ATG3: variants seen among roughly 807,000 people sequenced by gnomAD.
The protein encoded by ATG3 is ubiquitin-like-conjugating enzyme ATG3.
Under a neutral mutation model 50.7 loss-of-function variants are expected in ATG3, and 25 were observed. That is an observed-to-expected ratio of 0.49 (90% confidence interval 0.36 to 0.69). ATG3 has a LOEUF of 0.69. Among genes scored for constraint, ATG3 ranks in the 30% least tolerant of loss-of-function variants. The probability of loss-of-function intolerance (pLI) is 0.00; values close to 1 mark genes in which losing one functional copy is unlikely to be tolerated. For synonymous variants in ATG3, 119 were observed against 125.5 expected, an observed-to-expected ratio of 0.95 and a Z score of 0.34; for missense variants, 281 against 376.0, an observed-to-expected ratio of 0.75 and a Z score of 2.09.
In ATG3 at chr3:112,532,773, G is replaced by C. The variant is rs768039730; in HGVS notation, c.871C>G (p.Leu291Val). Reference sequence around the variant, plus strand: ...GCTTGTACAAATTTCAAGAAAATAAGAAGATACCTAAAGGTTTTTAGCTAA... The same window carrying C: ...GCTTGTACAAATTTCAAGAAAATAACAAGATACCTAAAGGTTTTTAGCTAA... The part of the protein sequence containing the change: ...GGELGVHMYL[L>V]IFLKFVQAVI... The change falls in exon 12 of 12, where the codon CTT becomes GTT. Residue 291 changes from leucine (L) to valine (V), a missense_variant. Coordinates refer to ENST00000283290, the MANE Select transcript of ATG3 (RefSeq NM_022488.5). 37 of 1,594,100 alleles carry C rather than the reference G, an allele frequency of 2.3e-5. No individual in the cohort carries two copies. Among genetic ancestry groups the C allele is most frequent in the Non-Finnish European group, 3.2e-5 (37 of 1,170,366 alleles).
At chr3:112,538,351 G>T in intron 7 of ATG3, 171 bp from the exon 8 acceptor site, 1 of 567,284 alleles carries the variant, frequency 1.8e-6, no homozygotes, top group South Asian at 2.4e-5. Flanking sequence ...ACTTCCAAAG[G>T]CGAAAGCCCA....
At chr3:112,538,896 C>T (rs1171874528) in intron 7 of ATG3, among the ~76,000 whole-genome samples, 2 of 152,196 alleles carry the variant, frequency 1.3e-5, no homozygotes, top group African/African-American at 2.4e-5. Context: ...AACTGAGTTC[C>T]TGACTCCCTC....
rs541228214 is a variant in ATG3 at position 112,550,365 on chromosome 3, T to C, written c.165-103A>G. The C allele has an allele frequency of 3.4e-4, 329 of 971,078 alleles. 2 individuals carry two copies. In the South Asian group the frequency reaches 3.9e-3, roughly 11 times the overall value. The allele number at this position is 971,078 out of a possible 1,614,324, so 60.2% of individuals were successfully genotyped here. A position where few individuals can be genotyped will look rare whatever the true frequency, so the allele number is the denominator to read the frequency against. The stretch of plus-strand genomic sequence containing the variant: ...AATCTCAAAATGATATAATCCATAA[T>C]TCTCAGAAAATTGGTTTAAAATTGA... On this transcript the variant is annotated intron_variant, in intron 3 of 11. Coordinates refer to ENST00000283290, the MANE Select transcript of ATG3 (RefSeq NM_022488.5).
chr3:112,557,714 T>C (rs16859793), intron 2 of ATG3, among the ~76,000 whole-genome samples: 10,302 of 152,190 alleles, frequency 0.068, 439 homozygotes, highest in Admixed American at 0.12. Context: ...GCTCCACACC[T>C]TGGACCTTAA....
intron 6 of ATG3, 39 bp from the exon 7 acceptor site, chr3:112,541,923 A>G (rs1273024428): frequency 3.3e-6 from 5 of 1,517,616 alleles, no homozygotes; most frequent in Admixed American, 1.7e-5. Flanking sequence ...TTAAGTATAT[A>G]CATTAATTTG....
intron 5 of ATG3, 34 bp downstream of exon 5, chr3:112,548,499 A>G (rs778745211): frequency 4.9e-5 from 68 of 1,378,160 alleles, no homozygotes; most frequent in Non-Finnish European, 6.4e-5. Context: ...AGTTTAATTT[A>G]AACTAAATAT....
At position 112,532,531 on chromosome 3, in the gene ATG3, TAAAC is replaced by T; in HGVS notation, c.*164_*167del. 1 of 426,592 alleles carries T rather than the reference TAAAC, an allele frequency of 2.3e-6. No individual in the cohort carries two copies. Among genetic ancestry groups the T allele is most frequent in the Non-Finnish European group, 3.9e-6 (1 of 254,546 alleles). 26.4% of individuals were successfully genotyped at this position (426,592 alleles called of 1,614,324 possible). ...AAACTCTCTTTGCACTGATTTTTAT[TAAAC>T]AAGTAAGGCTGGTAGTGGAACATAT... On this transcript the variant is annotated 3_prime_UTR_variant, in exon 12 of 12. Coordinates refer to ENST00000283290, the MANE Select transcript of ATG3 (RefSeq NM_022488.5).
chr3:112,557,181 A>C (rs1293910484), intron 2 of ATG3, among the ~76,000 whole-genome samples: 1 of 151,700 alleles, frequency 6.6e-6, no homozygotes, highest in African/African-American at 2.4e-5. Flanking sequence ...TCTGTCGCCC[A>C]GGCTGGACTA....
chr3:112,560,990 T>C (rs1050014644), intron 1 of ATG3, among the ~76,000 whole-genome samples: 1 of 152,162 alleles, frequency 6.6e-6, no homozygotes, highest in Non-Finnish European at 1.5e-5. Context: ...GGGATCGCAG[T>C]CACAACTTCC....
intron 10 of ATG3, 154 bp from the exon 11 acceptor site, chr3:112,534,491 A>G (rs549489304): frequency 9.7e-6 from 4 of 414,330 alleles, no homozygotes; most frequent in East Asian, 3.7e-5. Flanking sequence ...CCACTCCCCA[A>G]TAACTATAAA....
intron 2 of ATG3, chr3:112,558,045 G>A (rs1933736974): frequency 9.7e-6 from 2 of 205,966 alleles, no homozygotes; most frequent in Non-Finnish European, 1.9e-5. Flanking sequence ...ACAGAACCAA[G>A]ACACCACAGA....
In ATG3 at chr3:112,534,276, C is replaced by T; in HGVS notation, c.856G>A (p.Val286Ile). The T allele has an allele frequency of 6.3e-7, 1 of 1,599,924 alleles. No homozygotes were observed. The highest frequency in any genetic ancestry group is 8.5e-7 in the Non-Finnish European group (1 of 1,173,616). ...ACATACAGGGAAGGATACATATGAACTCCAAGTTCTCCCCCTCCTTCTGCA... is the reference window on the plus strand; with the variant it reads ...ACATACAGGGAAGGATACATATGAATTCCAAGTTCTCCCCCTCCTTCTGCA... ...TVAEGGGELG[V>I]HMYLLIFLKF... Residue 286 changes from valine (V) to isoleucine (I), a missense_variant, in exon 11 of 12, where the codon GTT (valine) becomes ATT (isoleucine). Val to Ile is a conservative substitution (Grantham distance 29, BLOSUM62 3). This residue lies in a region of ATG3 where 242 missense variants were observed against 305.0 expected (regional missense o/e 0.79). Coordinates refer to ENST00000283290, the MANE Select transcript of ATG3 (RefSeq NM_022488.5).
intron 10 of ATG3, chr3:112,534,558 A>C: frequency 3.8e-6 from 1 of 263,154 alleles, no homozygotes; most frequent in Non-Finnish European, 7.0e-6. Context: ...CGAAACACAA[A>C]AGATAACAGA....
intron 7 of ATG3, among the ~76,000 whole-genome samples, chr3:112,540,978 C>T (rs1282509381): frequency 6.6e-6 from 1 of 152,182 alleles, no homozygotes; most frequent in Non-Finnish European, 1.5e-5. Context: ...CTGCTCTGTT[C>T]TAGTGGGTTT....
intron 9 of ATG3, among the ~76,000 whole-genome samples, chr3:112,537,080 T>C (rs1425605419): frequency 1.3e-5 from 2 of 152,002 alleles, no homozygotes; most frequent in African/African-American, 4.8e-5. Context: ...TTCTGGGAAA[T>C]TTTACAATTT....
At chr3:112,552,163 A>G (rs796320295) in intron 3 of ATG3, among the ~76,000 whole-genome samples, 10 of 152,330 alleles carry the variant, frequency 6.6e-5, no homozygotes, top group African/African-American at 2.4e-4. Flanking sequence ...AACAATTTTT[A>G]AGAAAAAAGA....
At chr3:112,533,977 A>C in intron 11 of ATG3, 1 of 1,150,930 alleles carries the variant, frequency 8.7e-7, no homozygotes, top group Non-Finnish European at 1.1e-6. Flanking sequence ...AACATGTTAA[A>C]CTGGAAATGT....
chr3:112,538,439 C>T (rs1290472841), intron 7 of ATG3: 3 of 372,000 alleles, frequency 8.1e-6, no homozygotes, highest in Admixed American at 4.7e-5. Context: ...CACAAGCCTA[C>T]TTCTGTAACT....
intron 3 of ATG3, among the ~76,000 whole-genome samples, chr3:112,553,009 C>T (rs1288070297): frequency 6.6e-6 from 1 of 152,128 alleles, no homozygotes; most frequent in Non-Finnish European, 1.5e-5. Context: ...CAGACTTAGA[C>T]ACTATAAAGA....
Sources: gnomAD v4.1 joint callset for allele counts (sites outside exome capture counted in the v4.1 genomes callset) on GRCh38, gnomAD v4.1.1 for gene constraint, gnomAD v4.1.1 regional missense constraint, MANE v1.5 for transcripts, NCBI Gene and HGNC (gene_info 2026-07-23, HGNC 2026-07-21) for gene names.